KCNH7: variants seen among roughly 807,000 people sequenced by gnomAD.
KCNH7 encodes potassium voltage-gated channel subfamily H member 7, also known as voltage-gated inwardly rectifying potassium channel KCNH7.
A neutral mutation model predicts 120.8 loss-of-function variants in KCNH7; 49 were observed. The observed-to-expected ratio is 0.41, with a 90% CI of 0.32 to 0.51. KCNH7 has a LOEUF of 0.51. Ranked by LOEUF, KCNH7 falls within the 20% of genes least tolerant of loss-of-function variation. The probability of loss-of-function intolerance (pLI) is 0.38; values close to 1 mark genes in which losing one functional copy is unlikely to be tolerated. For synonymous variants in KCNH7, 547 were observed against 516.1 expected, an observed-to-expected ratio of 1.06 and a Z score of -0.81; for missense variants, 1,097 against 1,446.6, an observed-to-expected ratio of 0.76 and a Z score of 3.92.
At chr2:162,629,749 C>G (rs894017355) in intron 2 of KCNH7, among the ~76,000 whole-genome samples, 84 of 152,112 alleles carry the variant, frequency 5.5e-4, no homozygotes, top group African/African-American at 2.0e-3. Context: ...ATTTACACTC[C>G]AGAAATGAGC....
intron 2 of KCNH7, among the ~76,000 whole-genome samples, chr2:162,625,746 T>A (rs1462736349): frequency 1.3e-5 from 2 of 152,114 alleles, no homozygotes; most frequent in Non-Finnish European, 2.9e-5. Flanking sequence ...TTACATTGTA[T>A]AATTTACATT....
At chr2:162,634,410 C>A (rs776888512) in intron 2 of KCNH7, among the ~76,000 whole-genome samples, 1 of 151,878 alleles carries the variant, frequency 6.6e-6, no homozygotes, top group Non-Finnish European at 1.5e-5. Context: ...TGACAAAGGG[C>A]AGAAAAAATA....
intron 6 of KCNH7, among the ~76,000 whole-genome samples, chr2:162,484,774 G>C (rs1690038180): frequency 6.6e-6 from 1 of 152,122 alleles, no homozygotes; most frequent in South Asian, 2.1e-4. Context: ...ATTCCCATGA[G>C]AGCTGATTGT....
intron 6 of KCNH7, among the ~76,000 whole-genome samples, chr2:162,456,806 T>C (rs1688977676): frequency 6.6e-6 from 1 of 152,118 alleles, no homozygotes. Context: ...GTTTGTTTTA[T>C]CAGAGACTAG....
Position 162,773,576 on chromosome 2 carries a change from G to C in KCNH7, c.307+62961C>G, listed in dbSNP as rs372074072. Reference sequence around the variant, plus strand: ...AACGAAAGAAGAGCAAATAAAAATAGTGTTAACTTATGACTCACAAAATGA... The same window carrying C: ...AACGAAAGAAGAGCAAATAAAAATACTGTTAACTTATGACTCACAAAATGA... On this transcript the variant is annotated intron_variant, in intron 2 of 15. Transcript: ENST00000332142. Among the ~76,000 whole-genome samples, 15 of 149,062 alleles carry C rather than the reference G, an allele frequency of 1.0e-4. 1 individual carries two copies. The East Asian group carries it at 1.8e-3, about 18-fold the overall frequency.
At chr2:162,464,342 T>G (rs996992490) in intron 6 of KCNH7, among the ~76,000 whole-genome samples, 5 of 152,006 alleles carry the variant, frequency 3.3e-5, no homozygotes, top group African/African-American at 1.2e-4. Context: ...TTTTTAGCTT[T>G]GACATTTTTA....
At chr2:162,819,478 A>G (rs1264494356) in intron 2 of KCNH7, among the ~76,000 whole-genome samples, 1 of 152,216 alleles carries the variant, frequency 6.6e-6, no homozygotes, top group Non-Finnish European at 1.5e-5. Flanking sequence ...CGAAGGTTAT[A>G]GGAGGGTTCA....
chr2:162,739,781 G>C (rs1391626557), intron 2 of KCNH7, among the ~76,000 whole-genome samples: 46 of 152,238 alleles, frequency 3.0e-4, no homozygotes, highest in Non-Finnish European at 7.3e-5. Context: ...TCTACTATGA[G>C]AAATACAAGG....
chr2:162,706,384 T>C (rs771404023), intron 2 of KCNH7, among the ~76,000 whole-genome samples: 2 of 152,100 alleles, frequency 1.3e-5, no homozygotes, highest in Non-Finnish European at 2.9e-5. Context: ...AGTTTCCATA[T>C]ACTTCCCACT....
At chr2:162,456,871 TACTC>T (rs2105590856) in intron 6 of KCNH7, among the ~76,000 whole-genome samples, 1 of 152,194 alleles carries the variant, frequency 6.6e-6, no homozygotes, top group Non-Finnish European at 1.5e-5. Flanking sequence ...TATTCCTCCA[TACTC>T]TCTCTCTCTT....
At chr2:162,573,508 T>C (rs1693566009) in intron 2 of KCNH7, among the ~76,000 whole-genome samples, 1 of 152,056 alleles carries the variant, frequency 6.6e-6, no homozygotes. Context: ...TGCAATTCCA[T>C]TGCTTGGAAA....
At chr2:162,401,241 T>C (rs1238477998) in intron 9 of KCNH7, among the ~76,000 whole-genome samples, 1 of 151,966 alleles carries the variant, frequency 6.6e-6, no homozygotes, top group Non-Finnish European at 1.5e-5. Flanking sequence ...AATTATTTGC[T>C]ATTTTCATAC....
intron 6 of KCNH7, among the ~76,000 whole-genome samples, chr2:162,462,863 C>T (rs1372046274): frequency 6.6e-6 from 1 of 151,806 alleles, no homozygotes. Flanking sequence ...ACATTATATC[C>T]CATAAATATA....
At chr2:162,421,404 G>A (rs1687705767) in intron 9 of KCNH7, among the ~76,000 whole-genome samples, 1 of 152,090 alleles carries the variant, frequency 6.6e-6, no homozygotes, top group Admixed American at 6.6e-5. Flanking sequence ...TATTGTTAGA[G>A]GTCAAGTCAT....
chr2:162,404,436 G>A (rs1169491750), intron 9 of KCNH7, among the ~76,000 whole-genome samples: 1 of 151,942 alleles, frequency 6.6e-6, no homozygotes, highest in Non-Finnish European at 1.5e-5. Context: ...TCCATCTCAT[G>A]TTGAAATATT....
chr2:162,374,429 C>T (rs1686087904), intron 14 of KCNH7, among the ~76,000 whole-genome samples: 1 of 152,176 alleles, frequency 6.6e-6, no homozygotes, highest in African/African-American at 2.4e-5. Flanking sequence ...GATTCCCCTC[C>T]TTTGCATGTG....
At chr2:162,727,943 G>GCTA (rs765945384) in intron 2 of KCNH7, among the ~76,000 whole-genome samples, 36 of 152,076 alleles carry the variant, frequency 2.4e-4, no homozygotes, top group Admixed American at 3.9e-4. Flanking sequence ...ATATGCAAAA[G>GCTA]CTACTCACTG....
chr2:162,504,616 A>C lies in KCNH7; in HGVS notation c.955T>G (p.Ser319Ala). Reference sequence around the variant, plus strand: ...CTGTATTTGTTGAGGTTTGAATCTGATGTGGATCCCAGGAGGCTTGACTTG... The same window carrying C: ...CTGTATTTGTTGAGGTTTGAATCTGCTGTGGATCCCAGGAGGCTTGACTTG... ...HIKSSLLGST[S>A]DSNLNKYSTI... is the part of the protein sequence containing the mutation. The change falls in exon 6 of 16, where the codon TCA (serine) becomes GCA (alanine). Residue 319 changes from serine (S) to alanine (A), a missense_variant. Ser to Ala is a moderately conservative substitution (Grantham distance 99, BLOSUM62 1). This residue lies in a region of KCNH7 where 362 missense variants were observed against 372.2 expected (regional missense o/e 0.97). Transcript: ENST00000332142. 6.2e-7 allele frequency: 1 copy of C among 1,612,690 alleles called. No homozygotes were observed. The highest frequency in any genetic ancestry group is 8.5e-7 in the Non-Finnish European group (1 of 1,179,100).
intron 2 of KCNH7, among the ~76,000 whole-genome samples, chr2:162,643,063 C>A (rs1313193841): frequency 6.6e-6 from 1 of 152,062 alleles, no homozygotes; most frequent in African/African-American, 2.4e-5. Flanking sequence ...ACTACACAGC[C>A]CAAGCTATTA....
Sources: allele counts gnomAD v4.1 joint callset (sites outside exome capture counted in the v4.1 genomes callset), GRCh38; gene constraint gnomAD v4.1.1; regional missense constraint gnomAD v4.1.1; transcripts MANE v1.5; gene names NCBI Gene and HGNC (gene_info 2026-07-23, HGNC 2026-07-21).